CANX: variants seen among roughly 807,000 people sequenced by gnomAD.
CANX encodes calnexin.
CANX carries 14 observed loss-of-function variants against 75.7 expected under a neutral mutation model. The ratio of observed to expected loss-of-function variants is 0.19; its 90% CI spans 0.12 to 0.29. The LOEUF is 0.29. Among genes scored for constraint, CANX ranks in the 10% least tolerant of loss-of-function variants. The pLI is 1.00. For missense variants in CANX, 567 were observed against 713.2 expected, an observed-to-expected ratio of 0.79 and a Z score of 2.34; for synonymous variants, 227 against 236.9, an observed-to-expected ratio of 0.96 and a Z score of 0.38.
intron 1 of CANX, among the ~76,000 whole-genome samples, chr5:179,689,448 C>T (rs1056532528): frequency 1.1e-4 from 14 of 124,518 alleles, no homozygotes; most frequent in East Asian, 1.1e-3. Flanking sequence ...AGTGTAATGG[C>T]GCAATCTTGG....
Position 179,730,144 on chromosome 5 carries a change from G to A in CANX, c.*1500G>A, listed in dbSNP as rs1778907542. On this transcript the variant is annotated 3_prime_UTR_variant, in exon 15 of 15. Coordinates refer to ENST00000247461, the MANE Select transcript of CANX (RefSeq NM_001746.4). ...AGAGTTAGATATTATTTTAGCTTCA[G>A]TTGTTCTTTAGAGGCTTTCAAATGT... 6.6e-6 allele frequency: 1 copy of A among 152,510 alleles called. No individual in the cohort carries two copies. The highest frequency in any genetic ancestry group is 1.5e-5 in the Non-Finnish European group (1 of 68,008). 9.4% of individuals were successfully genotyped at this position (152,510 alleles called of 1,614,324 possible). A position where few individuals can be genotyped will look rare whatever the true frequency, so the allele number is the denominator to read the frequency against.
At chr5:179,711,171 C>T (rs1184403726) in intron 7 of CANX, among the ~76,000 whole-genome samples, 1 of 152,214 alleles carries the variant, frequency 6.6e-6, no homozygotes, top group Non-Finnish European at 1.5e-5. Context: ...CACCTGTAAT[C>T]CTAACACTTC....
intron 9 of CANX, 59 bp downstream of exon 9, chr5:179,719,840 G>A: frequency 2.3e-6 from 2 of 859,672 alleles, no homozygotes; most frequent in Non-Finnish European, 3.6e-6. Context: ...TTTTTTTTTT[G>A]AGATGGAGTC....
chr5:179,708,352 C>A lies in CANX; in HGVS notation c.418C>A (p.Leu140Met), dbSNP rs79378421. The A allele has an allele frequency of 1.0e-3, 1,632 of 1,613,592 alleles. 20 individuals carry two copies. In the East Asian group the frequency reaches 0.033, roughly 33 times the overall value. Residue 140 changes from leucine to methionine, a missense_variant, in exon 5 of 15, where the codon CTG (leucine) becomes ATG (methionine). By Grantham distance (15) the Leu-to-Met change is conservative. Around this residue, in one of 3 missense-constraint regions of CANX, gnomAD observed 351 missense variants for 433.8 expected, o/e 0.81. Transcript: ENST00000247461. ...AISAKLNKPF[L>M]FDTKPLIVQY... ...CTCTGCTAAACTGAACAAGCCCTTC[C>A]TGTTTGACACCAAGCCTCTCATTGT...
intron 1 of CANX, among the ~76,000 whole-genome samples, chr5:179,691,222 G>A (rs1415457195): frequency 3.3e-5 from 5 of 151,702 alleles, no homozygotes; most frequent in African/African-American, 4.8e-5. Context: ...ATGGGGTTTC[G>A]CCTCGTTGGC....
chr5:179,712,458 C>T (rs1038896550), intron 7 of CANX, among the ~76,000 whole-genome samples: 8 of 151,294 alleles, frequency 5.3e-5, no homozygotes, highest in African/African-American at 1.5e-4. Flanking sequence ...CACTCTTGTT[C>T]CCCAGGCTGG....
intron 1 of CANX, among the ~76,000 whole-genome samples, chr5:179,701,729 A>C (rs1776772993): frequency 8.0e-6 from 1 of 124,446 alleles, no homozygotes; most frequent in Non-Finnish European, 1.7e-5. Flanking sequence ...TTACTCCAAC[A>C]GATGTACTTT....
chr5:179,680,758 C>T, intron 1 of CANX: 1 of 742,938 alleles, frequency 1.3e-6, no homozygotes, highest in East Asian at 2.8e-5. Flanking sequence ...CCTCTTCTGC[C>T]CATGGGCAGT....
chr5:179,721,146 C>T (rs1244922273), intron 10 of CANX, among the ~76,000 whole-genome samples: 16 of 152,022 alleles, frequency 1.1e-4, no homozygotes, highest in Non-Finnish European at 5.9e-5. Flanking sequence ...GGCTCAGTCT[C>T]GGCACACTGC....
At chr5:179,683,025 C>T (rs1245232825) in intron 1 of CANX, among the ~76,000 whole-genome samples, 1 of 152,234 alleles carries the variant, frequency 6.6e-6, no homozygotes, top group Non-Finnish European at 1.5e-5. Context: ...GACCCAGATC[C>T]ACAGGAGCTC....
intron 1 of CANX, among the ~76,000 whole-genome samples, chr5:179,690,470 G>C (rs577999276): frequency 2.0e-5 from 3 of 151,830 alleles, no homozygotes; most frequent in Non-Finnish European, 4.4e-5. Context: ...CAGCTACTTG[G>C]GAGGCTGAGG....
chr5:179,708,168 G>GT (rs928522935), intron 4 of CANX, 71 bp from the exon 5 acceptor site: 243 of 1,310,308 alleles, frequency 1.9e-4, no homozygotes, highest in Non-Finnish European at 2.2e-4. Flanking sequence ...ACTAGGAGGT[G>GT]TTTTTTTTGG....
At chr5:179,710,838 A>C (rs1376769549) in intron 7 of CANX, among the ~76,000 whole-genome samples, 1 of 151,494 alleles carries the variant, frequency 6.6e-6, no homozygotes, top group African/African-American at 2.4e-5. Flanking sequence ...GGATCACTTG[A>C]GATCAGGCAT....
chr5:179,706,529 C>T (rs369402363), intron 3 of CANX, among the ~76,000 whole-genome samples, 198 bp downstream of exon 3: 2 of 151,982 alleles, frequency 1.3e-5, no homozygotes, highest in Non-Finnish European at 2.9e-5. Context: ...TTGCCACCTC[C>T]GTCTCCTGGG....
intron 1 of CANX, among the ~76,000 whole-genome samples, chr5:179,686,424 G>A (rs987896358): frequency 6.7e-6 from 1 of 150,054 alleles, no homozygotes; most frequent in Admixed American, 6.7e-5. Flanking sequence ...AGTGGTTCAA[G>A]TCTTTTTGCC....
At position 179,709,887 on chromosome 5, in the gene CANX, C is replaced by G. The variant is rs904374755; in HGVS notation, c.543C>G (p.Asp181Glu). 1 of 1,593,652 alleles carries G rather than the reference C, an allele frequency of 6.3e-7. No homozygotes were observed. Among genetic ancestry groups the G allele is most frequent in the African/African-American group, 1.4e-5 (1 of 73,526 alleles). ...TGTTTTTGAAGGATCAGTTCCATGA[C>G]AAGACCCCTTATACGATTATGTTTG... ...TPELNLDQFHDKTPYTIMFGP... is the reference protein window; with the variant it reads ...TPELNLDQFHEKTPYTIMFGP... The change falls in exon 7 of 15, where the codon GAC becomes GAG. Residue 181 changes from aspartate (D) to glutamate (E), a missense_variant. By Grantham distance (45) the Asp-to-Glu change is conservative. Transcript: ENST00000247461.
intron 10 of CANX, 124 bp downstream of exon 10, chr5:179,720,684 T>C: frequency 2.5e-6 from 2 of 814,140 alleles, no homozygotes; most frequent in Non-Finnish European, 4.0e-6. Flanking sequence ...AAGCAGAAAG[T>C]AGACTTCCTA....
intron 1 of CANX, among the ~76,000 whole-genome samples, chr5:179,681,528 T>C (rs1292723152): frequency 2.0e-5 from 3 of 152,148 alleles, no homozygotes; most frequent in African/African-American, 7.2e-5. Context: ...CTTGCTCTCA[T>C]GGGGAACTCT....
rs1216613290 is a variant in CANX, at chr5:179,724,787, A to G, written c.1645+4A>G. ...GAGGAAGGAGAAGAGAAACTTGGTA[A>G]GAAACAGAGTCCAGAAAATCTGCTT... is the stretch of plus-strand genomic sequence containing the variant. On this transcript the variant is annotated splice_donor_region_variant and intron_variant, in intron 13 of 14. Coordinates refer to ENST00000247461, the MANE Select transcript of CANX (RefSeq NM_001746.4). 3 of 1,602,996 alleles carry G rather than the reference A, an allele frequency of 1.9e-6. No individual in the cohort carries two copies. Among genetic ancestry groups the G allele is most frequent in the East Asian group, 4.5e-5 (2 of 44,116 alleles).
Sources: gnomAD v4.1 joint callset for allele counts (sites outside exome capture counted in the v4.1 genomes callset) on GRCh38, gnomAD v4.1.1 for gene constraint, gnomAD v4.1.1 regional missense constraint, MANE v1.5 for transcripts, NCBI Gene and HGNC (gene_info 2026-07-23, HGNC 2026-07-21) for gene names.